FLT1: variants seen among roughly 807,000 people sequenced by gnomAD.
The protein encoded by FLT1 is fms related receptor tyrosine kinase 1.
A neutral mutation model predicts 156.3 loss-of-function variants in FLT1; 49 were observed. That is an observed-to-expected ratio of 0.31 (90% CI 0.25 to 0.40). FLT1 has a LOEUF of 0.40. Ranked by LOEUF, FLT1 falls within the 10% of genes least tolerant of loss-of-function variation. The pLI is 1.00. For synonymous variants in FLT1, 594 were observed against 583.8 expected (o/e 1.02, Z -0.25); for missense variants, 1,322 against 1,637.2 (o/e 0.81, Z 3.32).
intron 19 of FLT1, chr13:28,328,403 G>A (rs1252617694): frequency 6.6e-6 from 1 of 152,240 alleles, no homozygotes; most frequent in East Asian, 1.9e-4. Context: ...TGCATGCCTG[G>A]GCTGGGCATG....
rs1878517030 is a variant in FLT1, at chr13:28,444,745, A to C, written c.389-6400T>G. Among the ~76,000 whole-genome samples the C allele has an allele frequency of 2.6e-5, 4 of 152,346 alleles. No individual in the cohort carries two copies. The South Asian group carries it at 8.3e-4, about 32-fold the overall frequency. On this transcript the variant is annotated intron_variant, in intron 3 of 29. Coordinates refer to ENST00000282397, the MANE Select transcript of FLT1 (RefSeq NM_002019.4). Reference sequence around the variant, plus strand: ...TTTGAAAAATTCACAAATATGTGGAAATTGACACATCCCTAAATAATCAAT... The same window carrying C: ...TTTGAAAAATTCACAAATATGTGGACATTGACACATCCCTAAATAATCAAT...
At chr13:28,382,378 T>C (rs1407217869) in intron 14 of FLT1, among the ~76,000 whole-genome samples, 2 of 152,214 alleles carry the variant, frequency 1.3e-5, no homozygotes, top group Middle Eastern at 6.3e-3. Flanking sequence ...TATAAAGTTA[T>C]AAAATTCAAG....
intron 14 of FLT1, among the ~76,000 whole-genome samples, chr13:28,366,173 T>A (rs976385632): frequency 3.3e-5 from 5 of 152,192 alleles, no homozygotes; most frequent in Non-Finnish European, 7.3e-5. Flanking sequence ...CTTATATAGA[T>A]CTACTGTGAA....
chr13:28,421,522 G>A (rs79485600), intron 10 of FLT1, among the ~76,000 whole-genome samples: 1,789 of 126,080 alleles, frequency 0.014, 38 homozygotes, highest in African/African-American at 0.05. Flanking sequence ...CAATGGTGGA[G>A]GAGCTGCTGC....
intron 17 of FLT1, among the ~76,000 whole-genome samples, chr13:28,337,907 C>G (rs1872181703): frequency 6.6e-6 from 1 of 152,182 alleles, no homozygotes; most frequent in African/African-American, 2.4e-5. Context: ...AAAATTATCC[C>G]ATATTTCCTG....
chr13:28,454,015 C>T (rs1879126653), intron 3 of FLT1, among the ~76,000 whole-genome samples: 1 of 151,894 alleles, frequency 6.6e-6, no homozygotes, highest in South Asian at 2.1e-4. Context: ...GAAGAGTGAG[C>T]TGTTACAGAA....
At chr13:28,341,978 G>T (rs1258848308) in intron 16 of FLT1, among the ~76,000 whole-genome samples, 2 of 152,106 alleles carry the variant, frequency 1.3e-5, no homozygotes, top group African/African-American at 4.8e-5. Flanking sequence ...TGCCTCCCGG[G>T]TTCATGCGAT....
chr13:28,459,979 C>T (rs759538620), intron 3 of FLT1, among the ~76,000 whole-genome samples: 2 of 152,328 alleles, frequency 1.3e-5, no homozygotes, highest in African/African-American at 4.8e-5. Flanking sequence ...AAAGTGGAGG[C>T]GGCAAGGCTC....
chr13:28,433,787 C>T, intron 6 of FLT1, 32 bp downstream of exon 6: 1 of 1,608,266 alleles, frequency 6.2e-7, no homozygotes, highest in South Asian at 1.1e-5. Flanking sequence ...AAATACTGTC[C>T]TGCAGAAGAA....
intron 1 of FLT1, among the ~76,000 whole-genome samples, chr13:28,475,713 A>C (rs1880504412): frequency 6.6e-6 from 1 of 152,230 alleles, no homozygotes; most frequent in South Asian, 2.1e-4. Context: ...AAAAAAAGTT[A>C]ACTCTTAGTT....
At chr13:28,423,957 C>CT (rs989189188) in intron 10 of FLT1, among the ~76,000 whole-genome samples, 2 of 151,870 alleles carry the variant, frequency 1.3e-5, no homozygotes, top group Non-Finnish European at 2.9e-5. Context: ...CTTTCTTTTT[C>CT]TTTTTTTTCT....
At chr13:28,462,337 G>C (rs1408184619) in intron 3 of FLT1, among the ~76,000 whole-genome samples, 3 of 152,164 alleles carry the variant, frequency 2.0e-5, no homozygotes, top group African/African-American at 7.2e-5. Context: ...CATTTCCTGT[G>C]TACACCAGAG....
chr13:28,419,102 C>T (rs1876833490), intron 10 of FLT1, among the ~76,000 whole-genome samples: 1 of 152,144 alleles, frequency 6.6e-6, no homozygotes, highest in Non-Finnish European at 1.5e-5. Context: ...GGTGGCAAAA[C>T]GTCCTAGGAG....
At chr13:28,432,997 G>A (rs572605647) in intron 6 of FLT1, among the ~76,000 whole-genome samples, 6 of 152,282 alleles carry the variant, frequency 3.9e-5, no homozygotes, top group African/African-American at 1.4e-4. Context: ...TTTCCATGGC[G>A]AGAAATGTCG....
chr13:28,489,318 C>T (rs538373776), intron 1 of FLT1, among the ~76,000 whole-genome samples: 13 of 152,252 alleles, frequency 8.5e-5, no homozygotes, highest in African/African-American at 3.1e-4. Flanking sequence ...AGTGTGGCCA[C>T]ATATTCATTC....
intron 10 of FLT1, among the ~76,000 whole-genome samples, chr13:28,415,435 C>T (rs191151447): frequency 5.9e-5 from 9 of 152,090 alleles, no homozygotes; most frequent in East Asian, 3.9e-4. Context: ...GAGCCAAGAT[C>T]GCGCCACTGC....
At chr13:28,487,531 A>T (rs547234945) in intron 1 of FLT1, among the ~76,000 whole-genome samples, 2 of 152,230 alleles carry the variant, frequency 1.3e-5, no homozygotes, top group South Asian at 4.2e-4. Flanking sequence ...CCAGGCTGAG[A>T]AAAAGTGCCT....
intron 18 of FLT1, among the ~76,000 whole-genome samples, chr13:28,333,515 G>A (rs1420831667): frequency 6.6e-6 from 1 of 152,186 alleles, no homozygotes; most frequent in African/African-American, 2.4e-5. Flanking sequence ...GATAATTCAG[G>A]TTTTTAAACT....
At chr13:28,310,743 C>T (rs546198473) in intron 27 of FLT1, among the ~76,000 whole-genome samples, 241 of 152,156 alleles carry the variant, frequency 1.6e-3, no homozygotes, top group African/African-American at 5.4e-3. Flanking sequence ...AAACACAGCT[C>T]GCTTTGTTTG....
Sources: allele counts gnomAD v4.1 joint callset (sites outside exome capture counted in the v4.1 genomes callset), GRCh38; gene constraint gnomAD v4.1.1; transcripts MANE v1.5; gene names NCBI Gene and HGNC (gene_info 2026-07-23, HGNC 2026-07-21).